Variants in CACNG7 observed in about 807,000 individuals in gnomAD.
CACNG7 encodes voltage-dependent calcium channel gamma-7 subunit.
A neutral mutation model predicts 26.3 loss-of-function variants in CACNG7; 9 were observed. That is an observed-to-expected ratio of 0.34 (90% CI 0.21 to 0.60). The LOEUF (loss-of-function observed/expected upper bound fraction) is 0.60, where lower values mean the gene tolerates loss of function less well. CACNG7 is among the 20% of genes least tolerant of loss of function. The probability of loss-of-function intolerance (pLI) is 0.81; values close to 1 mark genes in which losing one functional copy is unlikely to be tolerated. For missense variants in CACNG7, 297 were observed against 380.4 expected, an observed-to-expected ratio of 0.78 and a Z score of 1.82; for synonymous variants, 170 against 157.0, an observed-to-expected ratio of 1.08 and a Z score of -0.62.
At chr19:53,937,946 T>C (rs678916) in intron 4 of CACNG7, among the ~76,000 whole-genome samples, 133,231 of 152,126 alleles carry the variant, frequency 0.88, 58,582 homozygotes, top group East Asian at 0.97. Flanking sequence ...GTGACAGAAA[T>C]AGACATGGGG....
At chr19:53,913,907 C>T (rs1050364643) in intron 2 of CACNG7, among the ~76,000 whole-genome samples, 2 of 151,650 alleles carry the variant, frequency 1.3e-5, no homozygotes, top group Non-Finnish European at 2.9e-5. Flanking sequence ...TTCTGATCTA[C>T]AGCCCCTTTG....
intron 4 of CACNG7, among the ~76,000 whole-genome samples, chr19:53,917,050 A>T (rs966793387): frequency 2.0e-5 from 3 of 151,132 alleles, no homozygotes; most frequent in African/African-American, 7.3e-5. Flanking sequence ...CTCCTGCCTT[A>T]GCCTCCCGAA....
intron 4 of CACNG7, among the ~76,000 whole-genome samples, chr19:53,938,301 T>C (rs1396695545): frequency 1.3e-5 from 2 of 151,898 alleles, no homozygotes; most frequent in South Asian, 2.1e-4. Flanking sequence ...TGAGCTATGA[T>C]TGCACCAATG....
At position 53,912,882 on chromosome 19, in the gene CACNG7, T is replaced by G. The variant is rs1480636555; in HGVS notation, c.51T>G (p.Gly17=). The G allele has an allele frequency of 2.5e-6, 4 of 1,613,922 alleles. No individual in the cohort carries two copies. Among genetic ancestry groups the G allele is most frequent in the Middle Eastern group, 1.7e-4 (1 of 5,928 alleles). ...TGACCCTGCTGAGCAGCGTGTTTGG[T>G]GCGTGTGGCCTGCTCCTGGTAGGCA... ...RALTLLSSVF[G]ACGLLLVGIA... is the part of the protein sequence containing the mutation. Residue 17 remains glycine, a synonymous_variant, in exon 2 of 6, where the codon GGT becomes GGG. Transcript: ENST00000391767. The surrounding 1 kb of genome is among the most constrained non-coding windows in gnomAD (Gnocchi z 4.6).
At chr19:53,910,843 G>A (rs999580056) in intron 1 of CACNG7, among the ~76,000 whole-genome samples, 2 of 152,146 alleles carry the variant, frequency 1.3e-5, no homozygotes, top group Non-Finnish European at 2.9e-5. Context: ...CATGCTGGAT[G>A]TTGAAGAAGA....
rs537048786 is a variant in CACNG7, at chr19:53,942,550, G to T, written c.*257G>T. ...AATGACTCCTCCCCTTCGTTGGCCC[G>T]CCCCTTTCCTCTGGCCCCTCCTCTC... On this transcript the variant is annotated 3_prime_UTR_variant, in exon 6 of 6. Transcript: ENST00000391767. This position sits in a 1 kb window ranked among gnomAD's most constrained non-coding sequence, Gnocchi z 5.9. 2 of 1,378,392 alleles carry T rather than the reference G, an allele frequency of 1.5e-6. No homozygotes were observed. Among genetic ancestry groups the T allele is most frequent in the Non-Finnish European group, 1.9e-6 (2 of 1,069,294 alleles). 85.4% of individuals were successfully genotyped at this position (1,378,392 alleles called of 1,614,324 possible). A position where few individuals can be genotyped will look rare whatever the true frequency, so the allele number is the denominator to read the frequency against.
In CACNG7 at chr19:53,943,599, C is replaced by G. The variant is rs2069153025; in HGVS notation, c.*1306C>G. On this transcript the variant is annotated 3_prime_UTR_variant, in exon 6 of 6. Coordinates refer to ENST00000391767, the MANE Select transcript of CACNG7 (RefSeq NM_031896.5). ...CTTTACGCAGCGATTTTTAACGAGG[C>G]TGGGGGGAGGGGGGCACTGGGGTGG... 7.6e-5 allele frequency: 1 copy of G among 13,228 alleles called. No individual in the cohort carries two copies. The highest frequency in any genetic ancestry group is 1.4e-4 in the Non-Finnish European group (1 of 7,052). 0.8% of individuals were successfully genotyped at this position (13,228 alleles called of 1,614,324 possible). A position where few individuals can be genotyped will look rare whatever the true frequency, so the allele number is the denominator to read the frequency against.
rs898119478 is a variant in CACNG7, at chr19:53,943,584, C to A, written c.*1291C>A. ...CCGCAGTTAACCTGACTTTACGCAG[C>A]GATTTTTAACGAGGCTGGGGGGAGG... On this transcript the variant is annotated 3_prime_UTR_variant, in exon 6 of 6. Coordinates refer to ENST00000391767, the MANE Select transcript of CACNG7 (RefSeq NM_031896.5). The A allele has an allele frequency of 7.6e-5, 7 of 91,518 alleles. No homozygotes were observed. Among genetic ancestry groups the A allele is most frequent in the African/African-American group, 2.7e-4 (6 of 21,976 alleles). The allele number at this position is 91,518 out of a possible 1,614,324, so 5.7% of individuals were successfully genotyped here.
intron 4 of CACNG7, among the ~76,000 whole-genome samples, chr19:53,930,181 ATCTC>A (rs1261449256): frequency 2.1e-5 from 3 of 144,816 alleles, no homozygotes. Flanking sequence ...TTTTCTCTCT[ATCTC>A]TCTATCTTTC....
intron 1 of CACNG7, among the ~76,000 whole-genome samples, chr19:53,911,621 G>A (rs1466788883): frequency 1.3e-5 from 2 of 152,176 alleles, no homozygotes; most frequent in Admixed American, 6.5e-5. Flanking sequence ...GAGAGTCAGA[G>A]GGGCGAAAGG....
intron 4 of CACNG7, among the ~76,000 whole-genome samples, chr19:53,928,975 G>T (rs2069052438): frequency 6.6e-6 from 1 of 151,874 alleles, no homozygotes; most frequent in South Asian, 2.1e-4. Context: ...CGGGCATGGT[G>T]GCGCACGTCT....
intron 4 of CACNG7, among the ~76,000 whole-genome samples, chr19:53,918,849 A>G (rs1000164686): frequency 2.6e-5 from 4 of 151,960 alleles, no homozygotes; most frequent in Non-Finnish European, 5.9e-5. Context: ...GCTCACTGCA[A>G]CCTCCGCGTC....
At chr19:53,920,883 T>C (rs2068941679) in intron 4 of CACNG7, among the ~76,000 whole-genome samples, 2 of 115,864 alleles carry the variant, frequency 1.7e-5, no homozygotes, top group African/African-American at 3.8e-5. Flanking sequence ...TTGGTGGAGT[T>C]GTCCCAGGTC....
rs1303682055 is a variant in CACNG7 at position 53,940,947 on chromosome 19, G to T, written c.425-523G>T. ...GTGGTGGCGGGCGCCTGTAATCCCA[G>T]CTACTTGGGAGGCTGAGGCAGGAGA... On this transcript the variant is annotated intron_variant, in intron 4 of 5. Coordinates refer to ENST00000391767, the MANE Select transcript of CACNG7 (RefSeq NM_031896.5). This position sits in a 1 kb window ranked among gnomAD's most constrained non-coding sequence, Gnocchi z 4.1. 6.6e-6 allele frequency among the ~76,000 whole-genome samples: 1 copy of T among 151,874 alleles called. No individual in the cohort carries two copies. Among genetic ancestry groups the T allele is most frequent in the African/African-American group, 2.4e-5 (1 of 41,340 alleles).
chr19:53,921,986 C>G (rs2068960954), intron 4 of CACNG7, among the ~76,000 whole-genome samples: 1 of 92,000 alleles, frequency 1.1e-5, no homozygotes, highest in African/African-American at 5.8e-5. Flanking sequence ...TGGAGTTGCC[C>G]CAGGCCTGGT....
chr19:53,920,998 G>GC (rs1555810479), intron 4 of CACNG7, among the ~76,000 whole-genome samples: 47 of 74,624 alleles, frequency 6.3e-4, no homozygotes, highest in African/African-American at 3.8e-3. Flanking sequence ...GTTGCCCCAG[G>GC]CTGGTCATTG....
At chr19:53,936,873 T>G (rs991377773) in intron 4 of CACNG7, among the ~76,000 whole-genome samples, 15 of 151,950 alleles carry the variant, frequency 9.9e-5, no homozygotes, top group African/African-American at 3.4e-4. Context: ...CCTCCCAAAA[T>G]GCAGAGATTA....
At chr19:53,929,132 A>T (rs2069054491) in intron 4 of CACNG7, among the ~76,000 whole-genome samples, 1 of 151,732 alleles carries the variant, frequency 6.6e-6, no homozygotes, top group South Asian at 2.1e-4. Flanking sequence ...CAAAAAAAAA[A>T]AAAAAAGAGA....
In CACNG7 at chr19:53,914,571, A is replaced by G; in HGVS notation, c.268A>G (p.Thr90Ala). Residue 90 changes from threonine to alanine, a missense_variant, in exon 3 of 6, where the codon ACG becomes GCG. By Grantham distance (58) the Thr-to-Ala change is moderately conservative (BLOSUM62 0). Transcript: ENST00000391767. Reference protein sequence around the residue: ...EPEINLVTENTENILKTVRTA... With the variant: ...EPEINLVTENAENILKTVRTA... ...GGAGATCAATTTGGTGACGGAAAAC[A>G]CGGAGAATATTCTGAGTGAGGGGAT... 1.9e-6 allele frequency: 3 copies of G among 1,614,092 alleles called. No homozygotes were observed. The highest frequency in any genetic ancestry group is 2.5e-6 in the Non-Finnish European group (3 of 1,180,004).
Sources: gnomAD v4.1 joint callset for allele counts (sites outside exome capture counted in the v4.1 genomes callset) on GRCh38, gnomAD v4.1.1 for gene constraint, Gnocchi (gnomAD v3.1) non-coding constraint, MANE v1.5 for transcripts, NCBI Gene and HGNC (gene_info 2026-07-23, HGNC 2026-07-21) for gene names.